The following ROBO1 variants were observed in gnomAD, a reference collection of about 807,000 sequenced individuals.
ROBO1 encodes roundabout homolog 1.
ROBO1 carries 149 observed loss-of-function variants against 195.9 expected under a neutral mutation model. The ratio of observed to expected loss-of-function variants is 0.76; its 90% CI spans 0.67 to 0.87. The LOEUF is 0.87. ROBO1 is among the 40% of genes least tolerant of loss of function. ROBO1 has a pLI of 0.00. For missense variants in ROBO1, 1,933 were observed against 2,068.3 expected (o/e 0.93, Z 1.27); for synonymous variants, 816 against 733.2 (o/e 1.11, Z -1.82).
chr3:79,532,309 G>A (rs1941691893), intron 2 of ROBO1, among the ~76,000 whole-genome samples: 1 of 152,086 alleles, frequency 6.6e-6, no homozygotes, highest in Non-Finnish European at 1.5e-5. Context: ...ATAAAGGGAA[G>A]AGATTAGAAT....
intron 3 of ROBO1, among the ~76,000 whole-genome samples, chr3:78,940,105 A>G (rs891452484): frequency 6.6e-5 from 10 of 152,200 alleles, no homozygotes; most frequent in African/African-American, 2.4e-4. Context: ...CCTTACTGAA[A>G]GAGTCCCAAA....
intron 10 of ROBO1, among the ~76,000 whole-genome samples, chr3:78,682,625 G>T (rs1220231354): frequency 2.7e-5 from 4 of 146,032 alleles, no homozygotes; most frequent in Admixed American, 6.9e-5. Flanking sequence ...ATATATATTT[G>T]ATATATAATA....
At chr3:79,230,845 C>A (rs940150239) in intron 2 of ROBO1, among the ~76,000 whole-genome samples, 1 of 152,090 alleles carries the variant, frequency 6.6e-6, no homozygotes, top group African/African-American at 2.4e-5. Flanking sequence ...GTAATGAAAA[C>A]AGCATGGTAT....
intron 3 of ROBO1, among the ~76,000 whole-genome samples, chr3:78,970,475 G>A (rs993806592): frequency 6.6e-6 from 1 of 151,974 alleles, no homozygotes; most frequent in African/African-American, 2.4e-5. Flanking sequence ...CATATTTTAA[G>A]GTACTTTAAA....
intron 2 of ROBO1, among the ~76,000 whole-genome samples, chr3:79,164,764 C>T (rs2081032791): frequency 6.6e-6 from 1 of 152,150 alleles, no homozygotes; most frequent in African/African-American, 2.4e-5. Context: ...TGATCTCATT[C>T]CCGACTCCTC....
chr3:79,015,677 GA>G (rs1030045213), intron 3 of ROBO1, among the ~76,000 whole-genome samples: 102 of 152,210 alleles, frequency 6.7e-4, no homozygotes, highest in Middle Eastern at 6.8e-3. Flanking sequence ...GAATCTACCT[GA>G]AAAATGAATT....
Position 78,899,928 on chromosome 3 carries a change from T to C in ROBO1, c.499+38673A>G, listed in dbSNP as rs181564228. The stretch of plus-strand genomic sequence containing the variant: ...TAGGAACCGTATTAATGAAATGAAA[T>C]TGCTTTCCACAGCGTCTGATGTTTT... On this transcript the variant is annotated intron_variant, in intron 4 of 30. Coordinates refer to ENST00000464233, the MANE Select transcript of ROBO1 (RefSeq NM_002941.4). Among the ~76,000 whole-genome samples the C allele has an allele frequency of 3.3e-5, 5 of 152,302 alleles. No individual in the cohort carries two copies. The East Asian group carries it at 9.7e-4, about 29-fold the overall frequency.
At chr3:79,744,018 T>C (rs1041655765) in intron 1 of ROBO1, among the ~76,000 whole-genome samples, 1 of 152,136 alleles carries the variant, frequency 6.6e-6, no homozygotes, top group African/African-American at 2.4e-5. Flanking sequence ...GTATAGTAAA[T>C]ACACAAAACC....
intron 3 of ROBO1, among the ~76,000 whole-genome samples, chr3:79,008,919 G>GTGTT (rs1034050969): frequency 1.3e-5 from 2 of 150,004 alleles, no homozygotes; most frequent in Admixed American, 1.3e-4. Flanking sequence ...GTGTGTGTGT[G>GTGTT]TGTGTGTGTG....
intron 8 of ROBO1, among the ~76,000 whole-genome samples, chr3:78,706,872 G>T (rs2081565036): frequency 6.6e-6 from 1 of 152,180 alleles, no homozygotes; most frequent in Non-Finnish European, 1.5e-5. Context: ...ATGGGAACAT[G>T]AAGGATAAAG....
intron 8 of ROBO1, among the ~76,000 whole-genome samples, chr3:78,691,184 A>G (rs2081165733): frequency 6.6e-6 from 1 of 152,150 alleles, no homozygotes; most frequent in African/African-American, 2.4e-5. Context: ...CTATCTATCA[A>G]TCTGTCATCG....
chr3:79,278,574 G>A (rs2031249869), intron 2 of ROBO1, among the ~76,000 whole-genome samples: 1 of 152,100 alleles, frequency 6.6e-6, no homozygotes, highest in South Asian at 2.1e-4. Flanking sequence ...AGGGTGTTAA[G>A]ACAACTCACT....
rs2035695370 is a variant in ROBO1 at position 79,359,763 on chromosome 3, C to T, written c.88+230061G>A. Among the ~76,000 whole-genome samples the T allele has an allele frequency of 2.0e-5, 3 of 151,946 alleles. No homozygotes were observed. The South Asian group carries it at 6.2e-4, about 32-fold the overall frequency. On this transcript the variant is annotated intron_variant, in intron 2 of 30. Transcript: ENST00000464233. Reference sequence around the variant, plus strand: ...TCCTAAGAAAAGAATTGAAAGCAATCCTAAGTATCAAAATAATAGATTTCC... The same window carrying T: ...TCCTAAGAAAAGAATTGAAAGCAATTCTAAGTATCAAAATAATAGATTTCC...
intron 3 of ROBO1, among the ~76,000 whole-genome samples, chr3:78,962,568 G>C (rs2041414620): frequency 6.6e-6 from 1 of 152,016 alleles, no homozygotes; most frequent in South Asian, 2.1e-4. Flanking sequence ...GCTCACGCCT[G>C]TAATCCCAGC....
At chr3:78,952,534 G>C (rs2040843735) in intron 3 of ROBO1, among the ~76,000 whole-genome samples, 1 of 151,810 alleles carries the variant, frequency 6.6e-6, no homozygotes, top group African/African-American at 2.4e-5. Context: ...TTTCCTGTCA[G>C]AATTTCATCC....
chr3:79,379,095 T>C (rs990575665), intron 2 of ROBO1, among the ~76,000 whole-genome samples: 52 of 152,182 alleles, frequency 3.4e-4, no homozygotes, highest in Admixed American at 1.2e-3. Context: ...GGTTAGCTAG[T>C]GGAACATTAC....
chr3:78,707,041 A>AACTT (rs2081568916), intron 8 of ROBO1, among the ~76,000 whole-genome samples: 1 of 152,174 alleles, frequency 6.6e-6, no homozygotes, highest in Non-Finnish European at 1.5e-5. Context: ...AGTTAGCAGA[A>AACTT]ACTTAAAGAC....
intron 4 of ROBO1, among the ~76,000 whole-genome samples, chr3:78,813,455 G>T (rs1576217171): frequency 6.6e-6 from 1 of 151,740 alleles, no homozygotes; most frequent in Non-Finnish European, 1.5e-5. Flanking sequence ...TATTCAACTG[G>T]ACCAAAAAAG....
intron 10 of ROBO1, among the ~76,000 whole-genome samples, chr3:78,679,523 T>A (rs1193897870): frequency 6.6e-6 from 1 of 152,088 alleles, no homozygotes; most frequent in Non-Finnish European, 1.5e-5. Flanking sequence ...AGCATTCTTA[T>A]ACACCAATAA....
Sources: gnomAD v4.1 joint callset for allele counts (sites outside exome capture counted in the v4.1 genomes callset) on GRCh38, gnomAD v4.1.1 for gene constraint, MANE v1.5 for transcripts, NCBI Gene and HGNC (gene_info 2026-07-23, HGNC 2026-07-21) for gene names.